NALCN: variants seen among roughly 807,000 people sequenced by gnomAD.
The protein encoded by NALCN is sodium leak channel NALCN.
Under a neutral mutation model 225.3 loss-of-function variants are expected in NALCN, and 111 were observed. That is an observed-to-expected ratio of 0.49 (90% CI 0.42 to 0.58). The LOEUF is 0.58. NALCN is among the 20% of genes least tolerant of loss of function. The pLI is 0.00. For synonymous variants in NALCN, 764 were observed against 769.0 expected, an observed-to-expected ratio of 0.99 and a Z score of 0.11; for missense variants, 1,378 against 2,202.4, an observed-to-expected ratio of 0.63 and a Z score of 7.49.
At chr13:101,277,075 G>A (rs1181008179) in intron 10 of NALCN, among the ~76,000 whole-genome samples, 1 of 151,808 alleles carries the variant, frequency 6.6e-6, no homozygotes, top group African/African-American at 2.4e-5. Flanking sequence ...TAGAGAGAGA[G>A]GGAGAAAGAG....
chr13:101,062,475 A>T (rs768936602), intron 40 of NALCN, among the ~76,000 whole-genome samples: 3 of 151,996 alleles, frequency 2.0e-5, no homozygotes, highest in Non-Finnish European at 4.4e-5. Context: ...CACCTCCCAT[A>T]CTTTCTTCAC....
intron 13 of NALCN, among the ~76,000 whole-genome samples, chr13:101,200,715 G>T (rs575253796): frequency 6.6e-6 from 1 of 152,114 alleles, no homozygotes; most frequent in South Asian, 2.1e-4. Flanking sequence ...TCTCTCTCAA[G>T]CCCCAAGAAC....
At chr13:101,288,548 A>T (rs1043297256) in intron 9 of NALCN, among the ~76,000 whole-genome samples, 1 of 152,162 alleles carries the variant, frequency 6.6e-6, no homozygotes, top group African/African-American at 2.4e-5. Flanking sequence ...AGAAAAACTC[A>T]AAAGTGCCCA....
chr13:101,234,885 T>C lies in NALCN; in HGVS notation c.1434+2870A>G, dbSNP rs533456896. Reference sequence around the variant, plus strand: ...TATCTATCTATCTATCATCTGTCTATCTATAAAATGGTTACAGCCTTGCAG... The same window carrying C: ...TATCTATCTATCTATCATCTGTCTACCTATAAAATGGTTACAGCCTTGCAG... On this transcript the variant is annotated intron_variant, in intron 12 of 43. Coordinates refer to ENST00000251127, the MANE Select transcript of NALCN (RefSeq NM_052867.4). Among the ~76,000 whole-genome samples the C allele has an allele frequency of 3.3e-5, 5 of 152,190 alleles. No homozygotes were observed. In the South Asian group the frequency reaches 8.3e-4, roughly 25 times the overall value.
chr13:101,255,983 C>T (rs1002991441), intron 11 of NALCN, among the ~76,000 whole-genome samples: 12 of 152,122 alleles, frequency 7.9e-5, no homozygotes, highest in African/African-American at 1.2e-4. Context: ...GCTCATTCCC[C>T]GTGACTTTGC....
intron 10 of NALCN, among the ~76,000 whole-genome samples, chr13:101,267,901 T>C (rs1235259627): frequency 1.3e-5 from 2 of 152,190 alleles, no homozygotes; most frequent in African/African-American, 4.8e-5. Flanking sequence ...ACCAAGCTGG[T>C]TTCCTCTTCC....
In NALCN at chr13:101,074,618, G is replaced by A. The variant is rs1359977981; in HGVS notation, c.3999C>T (p.Tyr1333=). ...TGCCTACTATGATAAAGAAGCTCTT[G>A]TACATGCTGACGACCACTGTCAAGA... ...MLLLTVVVSM[Y]KSFFIIVGMF... is the part of the protein sequence containing the mutation. The change falls in exon 36 of 44, where the codon TAC becomes TAT. Residue 1333 remains tyrosine (Y), a synonymous_variant. Transcript: ENST00000251127. 6.2e-7 allele frequency: 1 copy of A among 1,613,250 alleles called. No individual in the cohort carries two copies. Among genetic ancestry groups the A allele is most frequent in the Admixed American group, 1.7e-5 (1 of 59,784 alleles).
At chr13:101,214,006 T>C (rs2040625658) in intron 13 of NALCN, among the ~76,000 whole-genome samples, 1 of 152,106 alleles carries the variant, frequency 6.6e-6, no homozygotes, top group Non-Finnish European at 1.5e-5. Context: ...ATGTTTATTG[T>C]GGCACTATTC....
chr13:101,359,135 G>A (rs2046150534), intron 6 of NALCN, among the ~76,000 whole-genome samples: 2 of 152,152 alleles, frequency 1.3e-5, no homozygotes, highest in Admixed American at 1.3e-4. Context: ...CATGGCACAT[G>A]TATACCTAGG....
chr13:101,273,884 CAAAAAAA>C lies in NALCN; in HGVS notation c.1134+10042_1134+10048del, dbSNP rs34847260. 5.2e-3 allele frequency among the ~76,000 whole-genome samples: 494 copies of C among 95,858 alleles called. 1 individual carries two copies. The highest frequency in any genetic ancestry group is 7.1e-3 in the Admixed American group (63 of 8,850). 62.9% of individuals were successfully genotyped at this position (95,858 alleles called of 152,430 possible). On this transcript the variant is annotated intron_variant, in intron 10 of 43. Coordinates refer to ENST00000251127, the MANE Select transcript of NALCN (RefSeq NM_052867.4). ...TGGGCGACAGAGCAAGACTCCATCT[CAAAAAAA>C]AAAAAAAAAAAAAAAAGAAAATGTG... is the stretch of plus-strand genomic sequence containing the variant.
intron 1 of NALCN, among the ~76,000 whole-genome samples, chr13:101,404,923 T>G (rs1261099924): frequency 6.6e-6 from 1 of 152,228 alleles, no homozygotes. Context: ...CTTTCCAGAT[T>G]AGGTTCCCAG....
At chr13:101,313,791 C>T (rs1214684688) in intron 7 of NALCN, among the ~76,000 whole-genome samples, 2 of 152,036 alleles carry the variant, frequency 1.3e-5, no homozygotes, top group African/African-American at 4.8e-5. Flanking sequence ...TACCATTTGA[C>T]CCAGCCATCC....
At chr13:101,411,177 T>C (rs887379002) in intron 1 of NALCN, among the ~76,000 whole-genome samples, 1 of 152,098 alleles carries the variant, frequency 6.6e-6, no homozygotes, top group Non-Finnish European at 1.5e-5. Context: ...AATTCATTCA[T>C]GTTTTCATTC....
intron 10 of NALCN, among the ~76,000 whole-genome samples, chr13:101,262,685 T>G (rs1174546787): frequency 6.6e-6 from 1 of 152,132 alleles, no homozygotes; most frequent in East Asian, 1.9e-4. Context: ...GAACAAGAAC[T>G]GCCTCTTCTG....
intron 6 of NALCN, among the ~76,000 whole-genome samples, chr13:101,346,087 C>CTCTCTCTCTCTCTATATATATATATATA: frequency 3.1e-4 from 22 of 70,960 alleles, no homozygotes; most frequent in Non-Finnish European, 4.3e-4. Context: ...CTCTCTCTCT[C>CTCTCTCTCTCTCTATATATATATATATA]TATATATATA....
chr13:101,346,062 T>TCC, intron 6 of NALCN, among the ~76,000 whole-genome samples: 3 of 78,472 alleles, frequency 3.8e-5, no homozygotes, highest in Non-Finnish European at 7.3e-5. Flanking sequence ...AGACTTTCTC[T>TCC]CTCTCTCTCT....
intron 1 of NALCN, among the ~76,000 whole-genome samples, chr13:101,410,199 G>A (rs772496449): frequency 6.6e-6 from 1 of 152,166 alleles, no homozygotes; most frequent in Non-Finnish European, 1.5e-5. Context: ...CTTCACCTCA[G>A]ACATACTAAA....
At chr13:101,107,100 C>A (rs1431646445) in intron 22 of NALCN, among the ~76,000 whole-genome samples, 2 of 152,178 alleles carry the variant, frequency 1.3e-5, no homozygotes, top group African/African-American at 4.8e-5. Flanking sequence ...GGTATTTTTA[C>A]CACAAAGGAA....
chr13:101,397,109 T>TATATATATATACAC (rs1169730118), intron 2 of NALCN, among the ~76,000 whole-genome samples: 3 of 80,974 alleles, frequency 3.7e-5, no homozygotes, highest in Admixed American at 1.4e-4. Context: ...TATATATATA[T>TATATATATATACAC]ACATACACAT....
Sources: allele counts gnomAD v4.1 joint callset (sites outside exome capture counted in the v4.1 genomes callset), GRCh38; gene constraint gnomAD v4.1.1; transcripts MANE v1.5; gene names NCBI Gene and HGNC (gene_info 2026-07-23, HGNC 2026-07-21).